The following PSG9 variants were observed in gnomAD, a reference collection of about 807,000 sequenced individuals.
The protein encoded by PSG9 is pregnancy-specific beta-1-glycoprotein 9.
In PSG9, 49 loss-of-function variants were observed where a neutral mutation model predicts 41.9. The observed-to-expected ratio is 1.17, with a 90% CI of 0.93 to 1.48. The LOEUF is 1.48. Among genes scored for constraint, PSG9 ranks in the 40% most tolerant of loss-of-function variants. PSG9 has a pLI of 0.00. For missense variants in PSG9, 641 were observed against 520.3 expected, an observed-to-expected ratio of 1.23 and a Z score of -2.26; for synonymous variants, 263 against 196.8, an observed-to-expected ratio of 1.34 and a Z score of -2.82.
rs573333365 is a variant in PSG9 at position 43,268,837 on chromosome 19, T to G, written c.64+531A>C. On this transcript the variant is annotated intron_variant, in intron 1 of 5. Transcript: ENST00000270077. ...GAAGTGTCATCTGATATAGTTATTATTATCATTTTTCAAAATGTGGTGGCC... is the reference window on the plus strand; with the variant it reads ...GAAGTGTCATCTGATATAGTTATTAGTATCATTTTTCAAAATGTGGTGGCC... Among the ~76,000 whole-genome samples the G allele has an allele frequency of 2.0e-5, 3 of 152,262 alleles. No homozygotes were observed. In the South Asian group the frequency reaches 6.2e-4, roughly 32 times the overall value.
chr19:43,258,189 G>C lies in PSG9; in HGVS notation c.1243+13C>G, dbSNP rs140864598. 51 of 1,592,566 alleles carry C rather than the reference G, an allele frequency of 3.2e-5. 9 individuals carry two copies. The African/African-American group carries it at 4.9e-4, about 15-fold the overall frequency. ...ATAAAACCCTACTGCCAAGGATGCT[G>C]GGATCCACTTACCAGAGACTTTGAC... On this transcript the variant is annotated intron_variant, in intron 5 of 5. Coordinates refer to ENST00000270077, the MANE Select transcript of PSG9 (RefSeq NM_002784.5).
Position 43,261,881 on chromosome 19 carries a change from G to C in PSG9, c.688C>G (p.Pro230Ala). ...RNPVSASRSD[P>A]VTLNLLPKLP... ...TCACGGAGGAGATTCAGGGTGACTG[G>C]GTCACTGCGACTGGCACTCACTGGG... The change falls in exon 3 of 6, where the codon CCA becomes GCA. Residue 230 changes from proline to alanine, a missense_variant. By Grantham distance (27) the Pro-to-Ala change is conservative. Transcript: ENST00000270077. 1 of 1,614,028 alleles carries C rather than the reference G, an allele frequency of 6.2e-7. No homozygotes were observed. The highest frequency in any genetic ancestry group is 2.2e-5 in the East Asian group (1 of 44,882).
intron 1 of PSG9, 98 bp downstream of exon 1, chr19:43,269,270 C>A: frequency 6.3e-7 from 1 of 1,589,282 alleles, no homozygotes; most frequent in Non-Finnish European, 8.6e-7. Context: ...TCCCTAAGAG[C>A]TGGCTTCTTT....
At chr19:43,265,283 C>A (rs563973066) in intron 2 of PSG9, among the ~76,000 whole-genome samples, 2 of 152,138 alleles carry the variant, frequency 1.3e-5, no homozygotes, top group South Asian at 4.2e-4. Flanking sequence ...TTCTATAATC[C>A]CTGACTGCTC....
chr19:43,266,169 C>T (rs753867418), intron 2 of PSG9, among the ~76,000 whole-genome samples: 5 of 151,856 alleles, frequency 3.3e-5, no homozygotes, highest in Non-Finnish European at 4.4e-5. Context: ...CCCCAGGGCC[C>T]AGGTGCCCCC....
chr19:43,259,692 AGTTC>A (rs56714474), intron 3 of PSG9: 12,492 of 152,704 alleles, frequency 0.082, 2,643 homozygotes, highest in African/African-American at 0.25. Context: ...CCTGGAGGTC[AGTTC>A]AGTCATCAGG....
At chr19:43,264,863 G>C (rs1331817317) in intron 2 of PSG9, among the ~76,000 whole-genome samples, 1 of 152,180 alleles carries the variant, frequency 6.6e-6, no homozygotes, top group Non-Finnish European at 1.5e-5. Context: ...CAGGAAGCCA[G>C]AAGTCTCTAG....
In PSG9 at chr19:43,259,264, G is replaced by A. The variant is rs572642946; in HGVS notation, c.710-129C>T. On this transcript the variant is annotated intron_variant, in intron 3 of 5. Transcript: ENST00000270077. ...GTCCTTGAAAGCCAATAGCTGGTGC[G>A]TGTGTCACAAGACAGATGCATGATG... is the stretch of plus-strand genomic sequence containing the variant. 1,004 of 1,401,988 alleles carry A rather than the reference G, an allele frequency of 7.2e-4. 77 individuals carry two copies. Among genetic ancestry groups the A allele is most frequent in the African/African-American group, 4.8e-3 (310 of 65,032 alleles). 86.8% of individuals were successfully genotyped at this position (1,401,988 alleles called of 1,614,324 possible). A position where few individuals can be genotyped will look rare whatever the true frequency, so the allele number is the denominator to read the frequency against.
intron 5 of PSG9, among the ~76,000 whole-genome samples, chr19:43,256,370 T>C (rs1274467069): frequency 6.8e-6 from 1 of 146,924 alleles, no homozygotes; most frequent in East Asian, 2.3e-4. Flanking sequence ...AGCTTTTATA[T>C]GTCGAAGAAC....
Position 43,269,380 on chromosome 19 carries a change from G to T in PSG9, c.52C>A (p.Leu18Ile), listed in dbSNP as rs8101191. Residue 18 changes from leucine to isoleucine, a missense_variant, in exon 1 of 6, where the codon CTC becomes ATC. Physicochemically the swap from Leu to Ile is conservative, Grantham distance 5 (BLOSUM62 2). Coordinates refer to ENST00000270077, the MANE Select transcript of PSG9 (RefSeq NM_002784.5). ...GTTCTCTCCTCACCTGTGAGCAGGA[G>T]CCCCTTCCAGGTGATGCGCTGTGTG... ...SCTQRITWKG[L>I]LLTASLLNFW... The T allele has an allele frequency of 1.2e-6, 2 of 1,613,326 alleles. No individual in the cohort carries two copies. The highest frequency in any genetic ancestry group is 1.7e-5 in the Admixed American group (1 of 59,992).
At chr19:43,262,900 G>T (rs762098408) in intron 2 of PSG9, among the ~76,000 whole-genome samples, 17 of 152,166 alleles carry the variant, frequency 1.1e-4, no homozygotes, top group Admixed American at 2.0e-4. Context: ...CCTTCCCCCT[G>T]TAGAGGGCAG....
intron 2 of PSG9, among the ~76,000 whole-genome samples, chr19:43,262,349 T>A (rs1245559439): frequency 6.6e-6 from 1 of 152,000 alleles, no homozygotes; most frequent in African/African-American, 2.4e-5. Context: ...AGCACAGACT[T>A]TCTTAAGTGT....
chr19:43,266,184 C>T (rs956356770), intron 2 of PSG9, among the ~76,000 whole-genome samples: 2 of 151,920 alleles, frequency 1.3e-5, no homozygotes, highest in Non-Finnish European at 2.9e-5. Context: ...GCCCCCAGTT[C>T]CACAGTCCAG....
chr19:43,269,199 C>A (rs1421488101), intron 1 of PSG9, among the ~76,000 whole-genome samples, 169 bp downstream of exon 1: 1 of 151,962 alleles, frequency 6.6e-6, no homozygotes, highest in Non-Finnish European at 1.5e-5. Flanking sequence ...AGAGACTGGG[C>A]TTCACTGCAT....
At chr19:43,268,814 A>G (rs1304546813) in intron 1 of PSG9, among the ~76,000 whole-genome samples, 1 of 152,024 alleles carries the variant, frequency 6.6e-6, no homozygotes, top group African/African-American at 2.4e-5. Context: ...TTTTATTTGA[A>G]GTGTCATCTG....
At chr19:43,260,105 T>G (rs530500781) in intron 3 of PSG9, 1 of 146,442 alleles carries the variant, frequency 6.8e-6, no homozygotes. Context: ...ATCCCCTGGG[T>G]TCGACTACTC....
Position 43,268,784 on chromosome 19 carries a change from G to A in PSG9, c.64+584C>T, listed in dbSNP as rs546078204. ...GTTGAGGTTTTTTGCTGAGGATAGT[G>A]TTTCATGTCCTGCTTATATTTTTAT... On this transcript the variant is annotated intron_variant, in intron 1 of 5. Coordinates refer to ENST00000270077, the MANE Select transcript of PSG9 (RefSeq NM_002784.5). Among the ~76,000 whole-genome samples, 267 of 152,150 alleles carry A rather than the reference G, an allele frequency of 1.8e-3. 2 individuals carry two copies. The highest frequency in any genetic ancestry group is 6.0e-3 in the African/African-American group (247 of 41,510).
chr19:43,261,904 G>A lies in PSG9; in HGVS notation c.665C>T (p.Pro222Leu), dbSNP rs749016381. The A allele has an allele frequency of 1.4e-5, 23 of 1,614,074 alleles. No homozygotes were observed. The highest frequency in any genetic ancestry group is 1.9e-5 in the Non-Finnish European group (22 of 1,179,944). The change falls in exon 3 of 6, where the codon CCA becomes CTA. Residue 222 changes from proline to leucine, a missense_variant. By Grantham distance (98) the Pro-to-Leu change is moderately conservative. Coordinates refer to ENST00000270077, the MANE Select transcript of PSG9 (RefSeq NM_002784.5). ...TGGGTCACTGCGACTGGCACTCACT[G>A]GGTTCCGTATTTCACATTCATAGGG... ...AGPYECEIRN[P>L]VSASRSDPVT... is the part of the protein sequence containing the mutation.
At chr19:43,263,531 A>T (rs1968824662) in intron 2 of PSG9, among the ~76,000 whole-genome samples, 1 of 151,930 alleles carries the variant, frequency 6.6e-6, no homozygotes, top group Non-Finnish European at 1.5e-5. Flanking sequence ...GTTATACTGT[A>T]ATTTTCCCAT....
Sources: gnomAD v4.1 joint callset for allele counts (sites outside exome capture counted in the v4.1 genomes callset) on GRCh38, gnomAD v4.1.1 for gene constraint, MANE v1.5 for transcripts, NCBI Gene and HGNC (gene_info 2026-07-23, HGNC 2026-07-21) for gene names.